Variants in UBE2D2 observed in about 807,000 individuals in gnomAD.
UBE2D2 encodes the protein ubiquitin-conjugating enzyme E2 D2.
Under a neutral mutation model 24.2 loss-of-function variants are expected in UBE2D2, and 2 were observed. The ratio of observed to expected loss-of-function variants is 0.08; its 90% confidence interval spans 0.03 to 0.26. UBE2D2 has a LOEUF of 0.26. Ranked by LOEUF, UBE2D2 falls within the 10% of genes least tolerant of loss-of-function variation. The pLI is 1.00. For synonymous variants in UBE2D2, 58 were observed against 56.5 expected (o/e 1.03, Z -0.12); for missense variants, 44 against 177.6 (o/e 0.25, Z 4.28).
intron 1 of UBE2D2, among the ~76,000 whole-genome samples, chr5:139,591,411 CA>C (rs1753844444): frequency 6.6e-6 from 1 of 151,938 alleles, no homozygotes; most frequent in African/African-American, 2.4e-5. Flanking sequence ...TGAGCCACCG[CA>C]CCTGACCCAT....
At chr5:139,619,529 G>A (rs1329349417) in intron 5 of UBE2D2, among the ~76,000 whole-genome samples, 3 of 152,068 alleles carry the variant, frequency 2.0e-5, no homozygotes, top group African/African-American at 7.2e-5. Context: ...GTCCATTCTT[G>A]CACTGCTATA....
intron 2 of UBE2D2, among the ~76,000 whole-genome samples, chr5:139,605,799 C>T (rs547023551): frequency 1.9e-4 from 29 of 151,048 alleles, no homozygotes; most frequent in South Asian, 1.3e-3. Context: ...AGTGCAGTGG[C>T]GCGATTGCAG....
chr5:139,580,664 C>G (rs1302307886), intron 1 of UBE2D2, among the ~76,000 whole-genome samples: 1 of 152,102 alleles, frequency 6.6e-6, no homozygotes. Flanking sequence ...GCCAGATGAT[C>G]TCGATCTCCT....
intron 1 of UBE2D2, among the ~76,000 whole-genome samples, chr5:139,553,889 C>T (rs1253545840): frequency 1.3e-5 from 2 of 152,068 alleles, no homozygotes; most frequent in Non-Finnish European, 2.9e-5. Context: ...AAGCGATTCT[C>T]GTGCCTCAGC....
At chr5:139,597,868 G>T (rs540930224) in intron 1 of UBE2D2, among the ~76,000 whole-genome samples, 1 of 152,206 alleles carries the variant, frequency 6.6e-6, no homozygotes, top group Admixed American at 6.5e-5. Context: ...TAAGTTAATC[G>T]TTATCTCAAT....
intron 2 of UBE2D2, among the ~76,000 whole-genome samples, chr5:139,609,511 C>T (rs988888416): frequency 3.3e-5 from 5 of 151,566 alleles, no homozygotes; most frequent in African/African-American, 4.8e-5. Flanking sequence ...GCTGGGATTA[C>T]AGGCAATGCG....
intron 1 of UBE2D2, among the ~76,000 whole-genome samples, chr5:139,590,989 G>A (rs1023825339): frequency 6.6e-6 from 1 of 150,756 alleles, no homozygotes; most frequent in Non-Finnish European, 1.5e-5. Flanking sequence ...AGAGGGGGGC[G>A]TTTCTCCATG....
chr5:139,574,744 A>AAAAAAAG (rs954152067), intron 1 of UBE2D2, among the ~76,000 whole-genome samples: 1 of 149,464 alleles, frequency 6.7e-6, no homozygotes, highest in African/African-American at 2.4e-5. Context: ...GCAAAAAAAA[A>AAAAAAAG]AAAAAAAAAG....
chr5:139,612,098 A>G (rs900992787), intron 2 of UBE2D2: 2 of 181,636 alleles, frequency 1.1e-5, no homozygotes, highest in African/African-American at 2.4e-5. Flanking sequence ...TGGTGTCTTC[A>G]TAAAGGCTCA....
At chr5:139,577,404 CTTTTTTTTTTTT>C (rs869189901) in intron 1 of UBE2D2, among the ~76,000 whole-genome samples, 4 of 69,138 alleles carry the variant, frequency 5.8e-5, no homozygotes, top group Admixed American at 1.9e-4. Flanking sequence ...TAGCATCTCT[CTTTTTTTTTTTT>C]TTTTTTTTTT....
At chr5:139,545,377 A>AT (rs202160425) in intron 1 of UBE2D2, among the ~76,000 whole-genome samples, 8,776 of 119,190 alleles carry the variant, frequency 0.074, 306 homozygotes, top group South Asian at 0.13. Context: ...TTTGTCTTCT[A>AT]TTTTTTTTTT....
At chr5:139,540,608 G>T (rs1752747514) in intron 1 of UBE2D2, among the ~76,000 whole-genome samples, 1 of 151,372 alleles carries the variant, frequency 6.6e-6, no homozygotes, top group South Asian at 2.1e-4. Flanking sequence ...GTATACCTTA[G>T]AGGAAACCAA....
intron 5 of UBE2D2, 22 bp from the exon 6 acceptor site, chr5:139,623,346 T>A (rs183961397): frequency 6.5e-7 from 1 of 1,548,512 alleles, no homozygotes; most frequent in African/African-American, 1.4e-5. Context: ...TCTGCTAATT[T>A]ATATGATTTT....
intron 1 of UBE2D2, among the ~76,000 whole-genome samples, chr5:139,546,385 A>G (rs564644906): frequency 1.3e-5 from 2 of 152,140 alleles, no homozygotes; most frequent in East Asian, 3.9e-4. Flanking sequence ...GAGTTTCACC[A>G]TATTGGCCAG....
intron 1 of UBE2D2, among the ~76,000 whole-genome samples, chr5:139,585,419 G>T (rs916646427): frequency 7.3e-5 from 11 of 151,674 alleles, no homozygotes; most frequent in Non-Finnish European, 1.3e-4. Context: ...GTAGAGACAG[G>T]GTCTCACTTT....
chr5:139,585,905 C>T (rs1472898394), intron 1 of UBE2D2, among the ~76,000 whole-genome samples: 3 of 138,434 alleles, frequency 2.2e-5, no homozygotes, highest in Non-Finnish European at 4.5e-5. Context: ...CCACTGCACT[C>T]CAGCCTGGCA....
At chr5:139,615,829 ATTTTTTT>A (rs200247238) in intron 5 of UBE2D2, among the ~76,000 whole-genome samples, 3 of 95,410 alleles carry the variant, frequency 3.1e-5, no homozygotes, top group South Asian at 6.4e-4. Flanking sequence ...AATAATCTAG[ATTTTTTT>A]TTTTTTTTTT....
intron 2 of UBE2D2, among the ~76,000 whole-genome samples, chr5:139,603,519 A>G (rs531954878): frequency 3.0e-3 from 439 of 147,094 alleles, no homozygotes; most frequent in African/African-American, 0.011. Context: ...GCTACCTAGG[A>G]GGCTGAGGCA....
chr5:139,551,174 A>C (rs1395472549), intron 1 of UBE2D2, among the ~76,000 whole-genome samples: 5 of 152,014 alleles, frequency 3.3e-5, no homozygotes, highest in Non-Finnish European at 7.4e-5. Context: ...GTGAAACCCC[A>C]TCTCTACTGA....
Sources: gnomAD v4.1 joint callset for allele counts (sites outside exome capture counted in the v4.1 genomes callset) on GRCh38, gnomAD v4.1.1 for gene constraint, MANE v1.5 for transcripts, NCBI Gene and HGNC (gene_info 2026-07-23, HGNC 2026-07-21) for gene names.